PIGG: variants seen among roughly 807,000 people sequenced by gnomAD.
PIGG encodes the protein GPI ethanolamine phosphate transferase 2, catalytic subunit.
In PIGG, 70 loss-of-function variants were observed where a neutral mutation model predicts 83.2. The observed-to-expected ratio is 0.84, with a 90% CI of 0.69 to 1.03. The LOEUF is 1.03. Among genes scored for constraint, PIGG ranks in the 50% least tolerant of loss-of-function variants. PIGG has a pLI of 0.00. For missense variants in PIGG, 1,257 were observed against 1,233.6 expected (o/e 1.02, Z -0.28); for synonymous variants, 532 against 519.5 (o/e 1.02, Z -0.33).
At position 505,729 on chromosome 4, in the gene PIGG, G is replaced by C; in HGVS notation, c.372G>C (p.Thr124=). Residue 124 remains threonine, a synonymous_variant, in exon 3 of 13, where the codon ACG becomes ACC. Coordinates refer to ENST00000453061, the MANE Select transcript of PIGG (RefSeq NM_001127178.3). The part of the protein sequence containing the change: ...VTMPRIKALM[T]GSLPGFVDVI... The stretch of plus-strand genomic sequence containing the variant: ...TTTTCTGACTGCAGGCATTGATGAC[G>C]GGGAGCCTTCCTGGCTTTGTCGACG... The C allele has an allele frequency of 6.2e-7, 1 of 1,613,164 alleles. No individual in the cohort carries two copies. Among genetic ancestry groups the C allele is most frequent in the Non-Finnish European group, 8.5e-7 (1 of 1,179,574 alleles).
Position 535,341 on chromosome 4 carries a change from C to T in PIGG, c.2735+1360C>T, listed in dbSNP as rs375606171. On this transcript the variant is annotated intron_variant, in intron 12 of 12. Coordinates refer to ENST00000453061, the MANE Select transcript of PIGG (RefSeq NM_001127178.3). ...CCCTGCGGCATCTACTAGAGTGCCCCGTGCTCCACGCTTGTCCCTGCTGCC... is the reference window on the plus strand; with the variant it reads ...CCCTGCGGCATCTACTAGAGTGCCCTGTGCTCCACGCTTGTCCCTGCTGCC... Among the ~76,000 whole-genome samples the T allele has an allele frequency of 1.4e-4, 17 of 125,436 alleles. No individual in the cohort carries two copies. In the South Asian group the frequency reaches 3.1e-3, roughly 23 times the overall value. 82.3% of individuals were successfully genotyped at this position (125,436 alleles called of 152,430 possible). A position where few individuals can be genotyped will look rare whatever the true frequency, so the allele number is the denominator to read the frequency against.
intron 6 of PIGG, among the ~76,000 whole-genome samples, chr4:516,854 CAAAAAAA>C (rs1178401194): frequency 6.5e-5 from 3 of 46,510 alleles, no homozygotes; most frequent in East Asian, 6.5e-4. Flanking sequence ...GACTCTGCCT[CAAAAAAA>C]AAAAAAAAAA....
At chr4:501,316 A>C (rs1553875816) in intron 2 of PIGG, 1 of 354,434 alleles carries the variant, frequency 2.8e-6, no homozygotes, top group East Asian at 7.8e-5. Flanking sequence ...AAAGGAGCAT[A>C]TGAAAACATG....
At chr4:521,364 T>C in intron 7 of PIGG, 91 bp downstream of exon 7, 1 of 821,196 alleles carries the variant, frequency 1.2e-6, no homozygotes, top group Non-Finnish European at 1.9e-6. Context: ...ATATAGGTGT[T>C]ATTAAAAATG....
Position 500,404 on chromosome 4 carries a change from T to C in PIGG, c.163T>C (p.Ser55Pro). ...PAPEPSAGAS[S>P]NWTTLPPPLF... is the part of the protein sequence containing the mutation. Reference sequence around the variant, plus strand: ...TTCTTTCAAACACTTAGGAGCCAGTTCTAACTGGACCACGCTGCCACCACC... The same window carrying C: ...TTCTTTCAAACACTTAGGAGCCAGTCCTAACTGGACCACGCTGCCACCACC... The change falls in exon 2 of 13, where the codon TCT (serine) becomes CCT (proline). Residue 55 changes from serine to proline, a missense_variant. Transcript: ENST00000453061. 6.2e-7 allele frequency: 1 copy of C among 1,613,362 alleles called. No individual in the cohort carries two copies. Among genetic ancestry groups the C allele is most frequent in the Non-Finnish European group, 8.5e-7 (1 of 1,179,324 alleles).
chr4:521,075 T>A lies in PIGG; in HGVS notation c.1134T>A (p.Phe378Leu). 1 of 1,613,994 alleles carries A rather than the reference T, an allele frequency of 6.2e-7. No individual in the cohort carries two copies. Among genetic ancestry groups the A allele is most frequent in the South Asian group, 1.1e-5 (1 of 91,072 alleles). Residue 378 changes from phenylalanine (F) to leucine (L), a missense_variant, in exon 7 of 13, where the codon TTT becomes TTA. Phe to Leu is a conservative substitution (Grantham distance 22). Transcript: ENST00000453061. ...SYEKDPGFEQ[F>L]KMSERLHGNW... ...TAATAGATCCTGGGTTTGAGCAGTT[T>A]AAAATGTCAGAAAGATTGCATGGGA...
chr4:539,260 G>A lies in PIGG; in HGVS notation c.2843G>A (p.Trp948Ter), dbSNP rs1235389365. Reference sequence around the variant, plus strand: ...TCTCTGCGTTATCATTTATTTATATGGAGTGTATTTTCTCCAAAACTTCTC... The same window carrying A: ...TCTCTGCGTTATCATTTATTTATATAGAGTGTATTTTCTCCAAAACTTCTC... ...VTSLRYHLFIWSVFSPKLLYE... is the reference protein window; with the variant it reads ...VTSLRYHLFI The change falls in exon 13 of 13, where the codon TGG (tryptophan) becomes TAG (stop). Residue 948 changes from tryptophan to a stop codon, truncating the protein, a stop_gained. Transcript: ENST00000453061. LOFTEE classifies it high-confidence loss of function. The A allele has an allele frequency of 6.2e-7, 1 of 1,611,360 alleles. No homozygotes were observed. The highest frequency in any genetic ancestry group is 8.5e-7 in the Non-Finnish European group (1 of 1,177,646).
At position 527,065 on chromosome 4, in the gene PIGG, T is replaced by C; in HGVS notation, c.2096T>C (p.Val699Ala). The C allele has an allele frequency of 6.2e-7, 1 of 1,614,168 alleles. No individual in the cohort carries two copies. ...TSSDHKAELS[V>A]LAALSLLVVF... ...TCTGACCACAAAGCCGAGCTCTCTG[T>C]CCTGGCTGCCCTCTCCCTCCTCGTA... The change falls in exon 10 of 13, where the codon GTC becomes GCC. Residue 699 changes from valine (V) to alanine (A), a missense_variant. By Grantham distance (64) the Val-to-Ala change is moderately conservative. Transcript: ENST00000453061.
chr4:499,499 C>G lies in PIGG; in HGVS notation c.154+10C>G, dbSNP rs782220015. ...CCCGAACCCTCGGCTGGTACGGACCCCTCCCCGGCGTCTCCGCTCCCCTGA... is the reference window on the plus strand; with the variant it reads ...CCCGAACCCTCGGCTGGTACGGACCGCTCCCCGGCGTCTCCGCTCCCCTGA... On this transcript the variant is annotated intron_variant, in intron 1 of 12. Transcript: ENST00000453061. The G allele has an allele frequency of 3.8e-6, 6 of 1,585,870 alleles. No individual in the cohort carries two copies. In the East Asian group the frequency reaches 1.4e-4, roughly 36 times the overall value.
intron 11 of PIGG, 44 bp downstream of exon 11, chr4:530,789 CA>C (rs749411302): frequency 1.6e-6 from 2 of 1,286,922 alleles, no homozygotes; most frequent in Admixed American, 4.5e-5. Context: ...TCATGTTTTA[CA>C]TATTTATTTT....
At position 500,437 on chromosome 4, in the gene PIGG, A is replaced by C; in HGVS notation, c.196A>C (p.Ser66Arg). 1 of 1,614,078 alleles carries C rather than the reference A, an allele frequency of 6.2e-7. No individual in the cohort carries two copies. The highest frequency in any genetic ancestry group is 8.5e-7 in the Non-Finnish European group (1 of 1,179,948). Residue 66 changes from serine (S) to arginine (R), a missense_variant, in exon 2 of 13, where the codon AGT becomes CGT. Transcript: ENST00000453061. Reference sequence around the variant, plus strand: ...GACCACGCTGCCACCACCTCTCTTCAGTAAAGTTGTTATTGTTCTGATAGA... The same window carrying C: ...GACCACGCTGCCACCACCTCTCTTCCGTAAAGTTGTTATTGTTCTGATAGA... ...NWTTLPPPLF[S>R]KVVIVLIDAL...
chr4:536,246 T>A (rs139378580), intron 12 of PIGG: 1,734 of 152,404 alleles, frequency 0.011, 16 homozygotes, highest in Non-Finnish European at 0.017. Flanking sequence ...GATAGGCGCG[T>A]GCCTTCCCAC....
intron 6 of PIGG, among the ~76,000 whole-genome samples, chr4:516,585 CG>C (rs1026723065): frequency 6.6e-6 from 1 of 151,384 alleles, no homozygotes; most frequent in Non-Finnish European, 1.5e-5. Flanking sequence ...GGGCTGGGTG[CG>C]GTGGCTCACG....
rs914879407 is a variant in PIGG, at chr4:500,823, A to G, written c.360+222A>G. Reference sequence around the variant, plus strand: ...GTAGCCAAAGCTCATGCTTCATGGCAAATATAAAAGATTTAGAGCAAGATC... The same window carrying G: ...GTAGCCAAAGCTCATGCTTCATGGCGAATATAAAAGATTTAGAGCAAGATC... On this transcript the variant is annotated intron_variant, in intron 2 of 12. Transcript: ENST00000453061. Among the ~76,000 whole-genome samples the G allele has an allele frequency of 2.0e-5, 3 of 152,222 alleles. No homozygotes were observed. In the East Asian group the frequency reaches 5.8e-4, roughly 29 times the overall value.
chr4:530,855 C>A, intron 11 of PIGG, 110 bp downstream of exon 11: 1 of 759,832 alleles, frequency 1.3e-6, no homozygotes, highest in Non-Finnish European at 2.2e-6. Flanking sequence ...GTCAGTGTGG[C>A]ATGGTGAATT....
chr4:509,836 G>A (rs1721276866), intron 5 of PIGG, among the ~76,000 whole-genome samples: 1 of 152,122 alleles, frequency 6.6e-6, no homozygotes, highest in Non-Finnish European at 1.5e-5. Context: ...GCCCCACACC[G>A]GTCAGATTGA....
At position 505,758 on chromosome 4, in the gene PIGG, T is replaced by C; in HGVS notation, c.401T>C (p.Ile134Thr). 6.2e-7 allele frequency: 1 copy of C among 1,613,734 alleles called. No individual in the cohort carries two copies. The highest frequency in any genetic ancestry group is 8.5e-7 in the Non-Finnish European group (1 of 1,179,954). ...AGCCTTCCTGGCTTTGTCGACGTCATCAGGAACCTCAATTCTCCTGCACTG... is the reference window on the plus strand; with the variant it reads ...AGCCTTCCTGGCTTTGTCGACGTCACCAGGAACCTCAATTCTCCTGCACTG... ...TGSLPGFVDV[I>T]RNLNSPALLE... The change falls in exon 3 of 13, where the codon ATC becomes ACC. Residue 134 changes from isoleucine (I) to threonine (T), a missense_variant. Ile to Thr is a moderately conservative substitution (Grantham distance 89, BLOSUM62 -1). Coordinates refer to ENST00000453061, the MANE Select transcript of PIGG (RefSeq NM_001127178.3).
intron 12 of PIGG, among the ~76,000 whole-genome samples, chr4:535,158 T>A (rs972286952): frequency 5.3e-5 from 8 of 151,426 alleles, no homozygotes; most frequent in Non-Finnish European, 7.4e-5. Flanking sequence ...CGGGGGTGGG[T>A]GATTCTGTAC....
At position 522,164 on chromosome 4, in the gene PIGG, G is replaced by C. The variant is rs1053131292; in HGVS notation, c.1614+223G>C. On this transcript the variant is annotated intron_variant, in intron 8 of 12. Transcript: ENST00000453061. ...TGTTCACATCTGTGCTGTCAGGTCA[G>C]ATGCCTCAGTTCTTGGAAAGCTAGG... 7 of 610,356 alleles carry C rather than the reference G, an allele frequency of 1.1e-5. No homozygotes were observed. In the African/African-American group the frequency reaches 1.3e-4, roughly 11 times the overall value. 37.8% of individuals were successfully genotyped at this position (610,356 alleles called of 1,614,324 possible).
Sources: allele counts gnomAD v4.1 joint callset (sites outside exome capture counted in the v4.1 genomes callset), GRCh38; gene constraint gnomAD v4.1.1; transcripts MANE v1.5; gene names NCBI Gene and HGNC (gene_info 2026-07-23, HGNC 2026-07-21).